INHBC: variants seen among roughly 807,000 people sequenced by gnomAD.
INHBC encodes the protein inhibin subunit beta C, also known as inhibin beta C chain.
INHBC carries 10 observed loss-of-function variants against 12.4 expected under a neutral mutation model. The observed-to-expected ratio is 0.81, with a 90% CI of 0.50 to 1.37. The LOEUF (loss-of-function observed/expected upper bound fraction) is 1.37, where lower values mean the gene tolerates loss of function less well. INHBC is among the 40% of genes most tolerant of loss of function. INHBC has a pLI of 0.00. For missense variants in INHBC, 382 were observed against 439.4 expected, an observed-to-expected ratio of 0.87 and a Z score of 1.17; for synonymous variants, 147 against 171.6, an observed-to-expected ratio of 0.86 and a Z score of 1.12.
chr12:57,443,034 A>G (rs1175703345), intron 1 of INHBC, among the ~76,000 whole-genome samples: 1 of 150,336 alleles, frequency 6.7e-6, no homozygotes, highest in Non-Finnish European at 1.5e-5. Context: ...TTTCCAATTT[A>G]CATGAAGCCT....
Position 57,449,471 on chromosome 12 carries a change from C to T in INHBC, c.508C>T (p.Leu170=). Residue 170 remains leucine (L), a synonymous_variant, in exon 2 of 2, where the codon CTG becomes TTG. Transcript: ENST00000309668. ...TNLTLATQYL[L]EVDASGWHQL... Reference sequence around the variant, plus strand: ...CCTCACCTTGGCTACTCAGTACCTGCTGGAGGTGGATGCCAGTGGCTGGCA... The same window carrying T: ...CCTCACCTTGGCTACTCAGTACCTGTTGGAGGTGGATGCCAGTGGCTGGCA... 2 of 1,614,192 alleles carry T rather than the reference C, an allele frequency of 1.2e-6. No homozygotes were observed. Among genetic ancestry groups the T allele is most frequent in the Non-Finnish European group, 1.7e-6 (2 of 1,180,012 alleles).
At chr12:57,437,682 AAAAG>A (rs958101323) in intron 1 of INHBC, among the ~76,000 whole-genome samples, 15 of 150,988 alleles carry the variant, frequency 9.9e-5, no homozygotes, top group South Asian at 2.1e-4. Context: ...AAAAAAAAAA[AAAAG>A]AAAGAAAGAA....
rs1870708227 is a variant in INHBC, at chr12:57,451,330, C to G, written c.*1308C>G. ...GCATGCTCAGAGCTGGCTGCCAGGA[C>G]CTCTGACTTGCCTTCCTTTCACCCA... is the stretch of plus-strand genomic sequence containing the variant. On this transcript the variant is annotated 3_prime_UTR_variant, in exon 2 of 2. Coordinates refer to ENST00000309668, the MANE Select transcript of INHBC (RefSeq NM_005538.4). 6.6e-6 allele frequency among the ~76,000 whole-genome samples: 1 copy of G among 152,196 alleles called. No homozygotes were observed.
In INHBC at chr12:57,451,272, C is replaced by T. The variant is rs1357210124; in HGVS notation, c.*1250C>T. ...TATGCTTGGTCATCCAGTAAACTGA[C>T]CAGCTGTGGGCACGCAAGTGTGGGA... is the stretch of plus-strand genomic sequence containing the variant. On this transcript the variant is annotated 3_prime_UTR_variant, in exon 2 of 2. Transcript: ENST00000309668. Among the ~76,000 whole-genome samples, 1 of 152,216 alleles carries T rather than the reference C, an allele frequency of 6.6e-6. No homozygotes were observed. The highest frequency in any genetic ancestry group is 6.5e-5 in the Admixed American group (1 of 15,284).
chr12:57,440,953 A>G (rs1458345166), intron 1 of INHBC, among the ~76,000 whole-genome samples: 1 of 152,154 alleles, frequency 6.6e-6, no homozygotes, highest in African/African-American at 2.4e-5. Context: ...CATGCTTGTA[A>G]TCCCAACACT....
intron 1 of INHBC, among the ~76,000 whole-genome samples, chr12:57,448,076 A>G (rs975988736): frequency 4.6e-5 from 7 of 150,778 alleles, no homozygotes; most frequent in African/African-American, 1.7e-4. Flanking sequence ...TCTCCCAAGT[A>G]GCTGGGATTA....
chr12:57,440,435 C>T (rs1166540566), intron 1 of INHBC, among the ~76,000 whole-genome samples: 11 of 147,228 alleles, frequency 7.5e-5, no homozygotes, highest in East Asian at 2.1e-4. Flanking sequence ...CGGGTTCAAG[C>T]GATTCTTTTG....
chr12:57,446,778 G>C lies in INHBC; in HGVS notation c.314-2499G>C, dbSNP rs927759221. ...TCAGTCTCCCAAAGTTCTGGGACAAGTGTGAGCCACCACGCCTGGCCTGAC... is the reference window on the plus strand; with the variant it reads ...TCAGTCTCCCAAAGTTCTGGGACAACTGTGAGCCACCACGCCTGGCCTGAC... On this transcript the variant is annotated intron_variant, in intron 1 of 1. Coordinates refer to ENST00000309668, the MANE Select transcript of INHBC (RefSeq NM_005538.4). Among the ~76,000 whole-genome samples, 11 of 152,080 alleles carry C rather than the reference G, an allele frequency of 7.2e-5. No individual in the cohort carries two copies. In the East Asian group the frequency reaches 2.1e-3, roughly 29 times the overall value.
chr12:57,436,740 C>T (rs1488077216), intron 1 of INHBC, among the ~76,000 whole-genome samples: 1 of 151,760 alleles, frequency 6.6e-6, no homozygotes, highest in Admixed American at 6.6e-5. Flanking sequence ...GATCTTGGCT[C>T]ACTGCAAGCT....
In INHBC at chr12:57,450,755, C is replaced by G. The variant is rs1203468491; in HGVS notation, c.*733C>G. On this transcript the variant is annotated 3_prime_UTR_variant, in exon 2 of 2. Coordinates refer to ENST00000309668, the MANE Select transcript of INHBC (RefSeq NM_005538.4). ...GTCTAGGTGTCATGGTTCTGTGTAA[C>G]TGTGGCTATTCTGTGTCCCTACACT... is the stretch of plus-strand genomic sequence containing the variant. 1 of 152,406 alleles carries G rather than the reference C, an allele frequency of 6.6e-6. No individual in the cohort carries two copies. The highest frequency in any genetic ancestry group is 1.5e-5 in the Non-Finnish European group (1 of 68,254). The allele number at this position is 152,406 out of a possible 1,614,324, so 9.4% of individuals were successfully genotyped here. A position where few individuals can be genotyped will look rare whatever the true frequency, so the allele number is the denominator to read the frequency against.
intron 1 of INHBC, among the ~76,000 whole-genome samples, chr12:57,435,626 G>GA (rs1196891392): frequency 2.0e-5 from 3 of 151,904 alleles, no homozygotes; most frequent in Non-Finnish European, 2.9e-5. Flanking sequence ...AGTAAAAGAA[G>GA]AAAAAATAAA....
At chr12:57,438,533 A>G (rs991885704) in intron 1 of INHBC, among the ~76,000 whole-genome samples, 1 of 152,236 alleles carries the variant, frequency 6.6e-6, no homozygotes, top group African/African-American at 2.4e-5. Flanking sequence ...GTTTCTTTAG[A>G]GAATGGTGGC....
At chr12:57,441,702 G>A (rs1214394580) in intron 1 of INHBC, among the ~76,000 whole-genome samples, 1 of 136,768 alleles carries the variant, frequency 7.3e-6, no homozygotes, top group Non-Finnish European at 1.5e-5. Flanking sequence ...TTTTTTTTTA[G>A]ATGGAGTCTC....
intron 1 of INHBC, among the ~76,000 whole-genome samples, chr12:57,447,047 A>G (rs1375127533): frequency 3.9e-5 from 6 of 152,184 alleles, no homozygotes; most frequent in Non-Finnish European, 7.3e-5. Context: ...AAACCCAACT[A>G]AGATGTTCAG....
chr12:57,444,572 A>G (rs1410457098), intron 1 of INHBC, among the ~76,000 whole-genome samples: 4 of 151,958 alleles, frequency 2.6e-5, no homozygotes, highest in Admixed American at 6.6e-5. Flanking sequence ...CACACTGATT[A>G]CAGAGCATGA....
chr12:57,434,974 G>C lies in INHBC; in HGVS notation c.88G>C (p.Gly30Arg). 1.2e-6 allele frequency: 2 copies of C among 1,614,104 alleles called. No homozygotes were observed. Among genetic ancestry groups the C allele is most frequent in the South Asian group, 1.1e-5 (1 of 91,082 alleles). The stretch of plus-strand genomic sequence containing the variant: ...AGCTGGCGGTCAGTGTCCAGCATGT[G>C]GGGGGCCCACCTTGGAACTGGAGAG... ...PRAGGQCPAC[G>R]GPTLELESQR... The change falls in exon 1 of 2, where the codon GGG becomes CGG. Residue 30 changes from glycine to arginine, a missense_variant. Physicochemically the swap from Gly to Arg is moderately radical, Grantham distance 125 (BLOSUM62 -2). Coordinates refer to ENST00000309668, the MANE Select transcript of INHBC (RefSeq NM_005538.4).
intron 1 of INHBC, among the ~76,000 whole-genome samples, chr12:57,445,736 ATT>A (rs35509259): frequency 3.3e-4 from 33 of 101,334 alleles, no homozygotes; most frequent in Admixed American, 3.4e-4. Flanking sequence ...CTCCATGTAA[ATT>A]TTTTTTTTTT....
At chr12:57,443,265 G>A (rs34131849) in intron 1 of INHBC, among the ~76,000 whole-genome samples, 12 of 150,148 alleles carry the variant, frequency 8.0e-5, no homozygotes, top group African/African-American at 2.4e-4. Context: ...CTACAGGGGC[G>A]TGCCACCATG....
chr12:57,451,807 C>T lies in INHBC; in HGVS notation c.*1785C>T, dbSNP rs1168333385. 2.2e-6 allele frequency: 1 copy of T among 454,272 alleles called. No homozygotes were observed. The highest frequency in any genetic ancestry group is 1.6e-5 in the South Asian group (1 of 64,296). 28.1% of individuals were successfully genotyped at this position (454,272 alleles called of 1,614,324 possible). ...TCATCTAAGGAGAATCTAAGGAGGC[C>T]TTCTGGTGTCTCCCCCACACATCCC... On this transcript the variant is annotated 3_prime_UTR_variant, in exon 2 of 2. Coordinates refer to ENST00000309668, the MANE Select transcript of INHBC (RefSeq NM_005538.4).
Sources: allele counts gnomAD v4.1 joint callset (sites outside exome capture counted in the v4.1 genomes callset), GRCh38; gene constraint gnomAD v4.1.1; transcripts MANE v1.5; gene names NCBI Gene and HGNC (gene_info 2026-07-23, HGNC 2026-07-21).